Variants in MTR observed in about 807,000 individuals in gnomAD.
MTR encodes 5-methyltetrahydrofolate-homocysteine methyltransferase.
In MTR, 84 loss-of-function variants were observed where a neutral mutation model predicts 154.8. That is an observed-to-expected ratio of 0.54 (90% CI 0.45 to 0.65). MTR has a LOEUF of 0.65. Among genes scored for constraint, MTR ranks in the 30% least tolerant of loss-of-function variants. The pLI, the probability that MTR is intolerant of heterozygous loss-of-function variation, is 0.00. For synonymous variants in MTR, 554 were observed against 553.9 expected, an observed-to-expected ratio of 1.00 and a Z score of 0.00; for missense variants, 1,275 against 1,570.2, an observed-to-expected ratio of 0.81 and a Z score of 3.18.
chr1:236,859,890 G>C lies in MTR; in HGVS notation c.2011G>C (p.Val671Leu). The change falls in exon 19 of 33, where the codon GTC (valine) becomes CTC (leucine). Residue 671 changes from valine (V) to leucine (L), a missense_variant. Coordinates refer to ENST00000366577, the MANE Select transcript of MTR (RefSeq NM_000254.3). ...IQTDEWRNGP[V>L]EERLEYALVK... ...GACTGATGAGTGGAGAAATGGCCCT[G>C]TCGAAGAACGCCTTGAGTATGCCCT... The C allele has an allele frequency of 2.5e-6, 4 of 1,614,018 alleles. No individual in the cohort carries two copies. Among genetic ancestry groups the C allele is most frequent in the Non-Finnish European group, 3.4e-6 (4 of 1,179,940 alleles).
At chr1:236,849,776 A>ACT (rs1414961321) in intron 15 of MTR, among the ~76,000 whole-genome samples, 1 of 152,164 alleles carries the variant, frequency 6.6e-6, no homozygotes, top group Non-Finnish European at 1.5e-5. Context: ...TGTATTTATG[A>ACT]CTTAAGACAC....
chr1:236,823,236 A>T (rs1408810284), intron 8 of MTR, among the ~76,000 whole-genome samples: 10 of 152,154 alleles, frequency 6.6e-5, no homozygotes, highest in Admixed American at 6.5e-4. Context: ...TGGGACCAGA[A>T]GTGTTTTTGG....
At chr1:236,877,832 A>C (rs1665515473) in intron 24 of MTR, among the ~76,000 whole-genome samples, 1 of 152,192 alleles carries the variant, frequency 6.6e-6, no homozygotes. Flanking sequence ...GTAGCAATTT[A>C]CACTCCCACA....
chr1:236,891,347 ACAGC>A lies in MTR; in HGVS notation c.3204+23_3204+26del. 2 of 1,607,842 alleles carry A rather than the reference ACAGC, an allele frequency of 1.2e-6. No individual in the cohort carries two copies. The highest frequency in any genetic ancestry group is 1.7e-6 in the Non-Finnish European group (2 of 1,174,600). ...GGCAACAGGTATGGAAGGTGTACTG[ACAGC>A]CAGCACACCGCTTTCGCTTGTGAGT... is the stretch of plus-strand genomic sequence containing the variant. On this transcript the variant is annotated intron_variant, in intron 29 of 32. Coordinates refer to ENST00000366577, the MANE Select transcript of MTR (RefSeq NM_000254.3).
intron 14 of MTR, among the ~76,000 whole-genome samples, chr1:236,836,304 C>G (rs1442951480): frequency 6.6e-6 from 1 of 151,828 alleles, no homozygotes; most frequent in Non-Finnish European, 1.5e-5. Context: ...CTCTGTGGCC[C>G]AGGCTGGAGT....
chr1:236,856,764 G>A (rs1293910301), intron 18 of MTR, among the ~76,000 whole-genome samples: 2 of 152,050 alleles, frequency 1.3e-5, no homozygotes, highest in African/African-American at 4.8e-5. Context: ...TCCCACTTAT[G>A]AGTGAGAACA....
At chr1:236,811,247 C>G (rs570676588) in intron 5 of MTR, among the ~76,000 whole-genome samples, 2 of 152,246 alleles carry the variant, frequency 1.3e-5, no homozygotes, top group Non-Finnish European at 2.9e-5. Flanking sequence ...GACCTGCCCC[C>G]ATGATTCAAT....
Position 236,832,020 on chromosome 1 carries a change from G to A in MTR, c.1130G>A (p.Arg377His), listed in dbSNP as rs1404315551. Residue 377 changes from arginine to histidine, a missense_variant, in exon 13 of 33, where the codon CGC becomes CAC. Transcript: ENST00000366577. Reference sequence around the variant, plus strand: ...ACCAACTTTGTTAACATTGGAGAGCGCTGTAATGTTGCAGGATCAAGGAAG... The same window carrying A: ...ACCAACTTTGTTAACATTGGAGAGCACTGTAATGTTGCAGGATCAAGGAAG... ...PYTNFVNIGE[R>H]CNVAGSRKFA... 6 of 1,614,152 alleles carry A rather than the reference G, an allele frequency of 3.7e-6. No homozygotes were observed. The highest frequency in any genetic ancestry group is 4.2e-6 in the Non-Finnish European group (5 of 1,180,004).
chr1:236,838,488 T>C lies in MTR; in HGVS notation c.1404T>C (p.Ile468=), dbSNP rs1373753618. 3 of 1,614,004 alleles carry C rather than the reference T, an allele frequency of 1.9e-6. No homozygotes were observed. The African/African-American group carries it at 4.0e-5, about 22-fold the overall frequency. ...AGLKCCQGKC[I]VNSISLKEGE... is the part of the protein sequence containing the mutation. ...TAAAGTGCTGCCAAGGGAAGTGCAT[T>C]GTCAATAGCATTAGTCTGAAGGAAG... Residue 468 remains isoleucine (I), a synonymous_variant, in exon 15 of 33, where the codon ATT becomes ATC. Transcript: ENST00000366577.
Position 236,863,441 on chromosome 1 carries a change from G to A in MTR, c.2305-13G>A. ...CAACCCTGCCTTGCTGAGCTGCTTGGCTTCCTTTCCAGGACCCTTACCAGG... is the reference window on the plus strand; with the variant it reads ...CAACCCTGCCTTGCTGAGCTGCTTGACTTCCTTTCCAGGACCCTTACCAGG... On this transcript the variant is annotated splice_polypyrimidine_tract_variant and intron_variant, in intron 21 of 32. Transcript: ENST00000366577. 1 of 1,612,768 alleles carries A rather than the reference G, an allele frequency of 6.2e-7. No individual in the cohort carries two copies. The highest frequency in any genetic ancestry group is 8.5e-7 in the Non-Finnish European group (1 of 1,178,892).
At chr1:236,890,324 C>T (rs1432526669) in intron 28 of MTR, among the ~76,000 whole-genome samples, 2 of 152,120 alleles carry the variant, frequency 1.3e-5, no homozygotes, top group South Asian at 2.1e-4. Context: ...CCGAGTCTCA[C>T]GGAAACCGAG....
intron 15 of MTR, among the ~76,000 whole-genome samples, chr1:236,849,948 A>C (rs757911779): frequency 6.6e-6 from 1 of 152,204 alleles, no homozygotes; most frequent in Non-Finnish European, 1.5e-5. Context: ...GGGCACTTAC[A>C]TGTTAATCTC....
At chr1:236,840,297 T>C (rs1166344346) in intron 15 of MTR, among the ~76,000 whole-genome samples, 1 of 152,216 alleles carries the variant, frequency 6.6e-6, no homozygotes, top group African/African-American at 2.4e-5. Context: ...CTTCCAAGCA[T>C]ATAAACTGTG....
intron 11 of MTR, among the ~76,000 whole-genome samples, chr1:236,828,099 T>C (rs1662399193): frequency 6.6e-6 from 1 of 152,128 alleles, no homozygotes; most frequent in African/African-American, 2.4e-5. Context: ...TGCCTCAGCC[T>C]CCTGAGTAGC....
intron 27 of MTR, among the ~76,000 whole-genome samples, chr1:236,887,195 A>G (rs1420098482): frequency 6.6e-6 from 1 of 152,208 alleles, no homozygotes; most frequent in Non-Finnish European, 1.5e-5. Flanking sequence ...TGTGTTCTAC[A>G]CATGCTTGGC....
intron 15 of MTR, among the ~76,000 whole-genome samples, chr1:236,841,464 G>T (rs551656254): frequency 6.6e-6 from 1 of 152,234 alleles, no homozygotes; most frequent in African/African-American, 2.4e-5. Flanking sequence ...AATGTAGCCA[G>T]ACACATTAAG....
At chr1:236,822,500 G>A (rs1662025646) in intron 8 of MTR, among the ~76,000 whole-genome samples, 2 of 151,954 alleles carry the variant, frequency 1.3e-5, no homozygotes, top group East Asian at 1.9e-4. Flanking sequence ...TGCAGAGGTA[G>A]GGTTTTACTG....
Position 236,850,517 on chromosome 1 carries a change from C to A in MTR, c.1689C>A (p.Val563=). The A allele has an allele frequency of 6.2e-7, 1 of 1,613,494 alleles. No homozygotes were observed. Among genetic ancestry groups the A allele is most frequent in the Non-Finnish European group, 8.5e-7 (1 of 1,179,636 alleles). ...TTAATTTTATCCATGCAACAAAAGT[C>A]ATTAAAGTAAGTGTAGGCATGTTCT... is the stretch of plus-strand genomic sequence containing the variant. ...YAINFIHATK[V]IKETLPGARI... Residue 563 remains valine (V), a synonymous_variant, in exon 16 of 33, where the codon GTC becomes GTA. Coordinates refer to ENST00000366577, the MANE Select transcript of MTR (RefSeq NM_000254.3).
Position 236,873,785 on chromosome 1 carries a change from A to T in MTR, c.2418A>T (p.Leu806Phe), listed in dbSNP as rs1466875330. 6.2e-7 allele frequency: 1 copy of T among 1,613,838 alleles called. No homozygotes were observed. Among genetic ancestry groups the T allele is most frequent in the East Asian group, 2.2e-5 (1 of 44,880 alleles). ...LGCNNFRVID[L>F]GVMTPCDKIL... ...TTCTGTGCCTCAGAGTTATTGATTT[A>T]GGAGTCATGACTCCATGTGATAAGA... The change falls in exon 23 of 33, where the codon TTA becomes TTT. Residue 806 changes from leucine (L) to phenylalanine (F), a missense_variant. Transcript: ENST00000366577.
Sources: gnomAD v4.1 joint callset for allele counts (sites outside exome capture counted in the v4.1 genomes callset) on GRCh38, gnomAD v4.1.1 for gene constraint, MANE v1.5 for transcripts, NCBI Gene and HGNC (gene_info 2026-07-23, HGNC 2026-07-21) for gene names.